STAU2: variants seen among roughly 807,000 people sequenced by gnomAD.
STAU2 encodes the protein staufen double-stranded RNA binding protein 2.
Under a neutral mutation model 65.9 loss-of-function variants are expected in STAU2, and 20 were observed. The observed-to-expected ratio is 0.30, with a 90% CI of 0.21 to 0.44. The LOEUF (loss-of-function observed/expected upper bound fraction) is 0.44, where lower values mean the gene tolerates loss of function less well. Among genes scored for constraint, STAU2 ranks in the 20% least tolerant of loss-of-function variants. The pLI, the probability that STAU2 is intolerant of heterozygous loss-of-function variation, is 1.00. For missense variants in STAU2, 558 were observed against 683.9 expected (o/e 0.82, Z 2.05); for synonymous variants, 232 against 233.9 (o/e 0.99, Z 0.07).
intron 5 of STAU2, among the ~76,000 whole-genome samples, chr8:73,676,069 GT>G (rs1239732500): frequency 2.0e-5 from 3 of 151,812 alleles, no homozygotes; most frequent in Non-Finnish European, 2.9e-5. Context: ...TACTTCCATA[GT>G]TTAAAAAAAA....
At chr8:73,746,992 G>T, upstream of STAU2, 1 of 471,860 alleles carries the variant, frequency 2.1e-6, no homozygotes, top group Non-Finnish European at 2.8e-6. Context: ...GCCCCAGCAC[G>T]CCCGGCCGGC....
chr8:73,591,067 T>C (rs576758581), intron 11 of STAU2, among the ~76,000 whole-genome samples: 2 of 152,142 alleles, frequency 1.3e-5, no homozygotes, highest in Non-Finnish European at 1.5e-5. Flanking sequence ...AGAAAGAAAT[T>C]TGAATTTACA....
chr8:73,739,518 A>G (rs1406923321), intron 2 of STAU2, among the ~76,000 whole-genome samples: 3 of 152,222 alleles, frequency 2.0e-5, no homozygotes, highest in Non-Finnish European at 4.4e-5. Context: ...ACACACATAC[A>G]TACACAAACA....
chr8:73,595,516 A>T (rs1418176685), intron 10 of STAU2, among the ~76,000 whole-genome samples: 3 of 152,176 alleles, frequency 2.0e-5, no homozygotes, highest in Non-Finnish European at 4.4e-5. Context: ...GGATGGTAGA[A>T]TTTTATAGAA....
intron 13 of STAU2, among the ~76,000 whole-genome samples, chr8:73,544,885 C>T (rs911857838): frequency 2.0e-5 from 3 of 152,196 alleles, no homozygotes; most frequent in Non-Finnish European, 4.4e-5. Context: ...GGGTTATCTT[C>T]TTCTGCATAT....
intron 13 of STAU2, among the ~76,000 whole-genome samples, chr8:73,450,123 T>G (rs1172762371): frequency 6.6e-6 from 1 of 152,184 alleles, no homozygotes; most frequent in Non-Finnish European, 1.5e-5. Flanking sequence ...ATTTAGACAT[T>G]TTAAAATATG....
intron 13 of STAU2, among the ~76,000 whole-genome samples, chr8:73,485,214 C>T (rs538563030): frequency 5.1e-5 from 7 of 138,074 alleles, no homozygotes; most frequent in African/African-American, 1.9e-4. Context: ...GTGATAGTGG[C>T]ACACTATAGT....
intron 6 of STAU2, among the ~76,000 whole-genome samples, chr8:73,669,788 T>A (rs1049678362): frequency 6.6e-6 from 1 of 152,124 alleles, no homozygotes; most frequent in Admixed American, 6.6e-5. Context: ...ATGAGCTCCA[T>A]AAGGACAGGG....
intron 6 of STAU2, among the ~76,000 whole-genome samples, chr8:73,655,458 T>C (rs1331929139): frequency 6.6e-6 from 1 of 152,048 alleles, no homozygotes; most frequent in African/African-American, 2.4e-5. Context: ...CCTAATTTCA[T>C]ATTTTATAAC....
chr8:73,595,575 AATTTATATT>A (rs1252312662), intron 10 of STAU2, among the ~76,000 whole-genome samples: 3 of 152,068 alleles, frequency 2.0e-5, no homozygotes, highest in Admixed American at 2.0e-4. Flanking sequence ...TTAAACACTA[AATTTATATT>A]ATTTATATAA....
intron 12 of STAU2, among the ~76,000 whole-genome samples, chr8:73,557,918 C>T (rs768282278): frequency 5.9e-5 from 9 of 152,214 alleles, no homozygotes; most frequent in Non-Finnish European, 1.2e-4. Context: ...GCAGATACAA[C>T]ATGGGCACTG....
At chr8:73,630,823 T>C (rs1407908519) in intron 6 of STAU2, among the ~76,000 whole-genome samples, 1 of 152,230 alleles carries the variant, frequency 6.6e-6, no homozygotes, top group East Asian at 1.9e-4. Flanking sequence ...TGACAACTAA[T>C]CCATCAGCCT....
chr8:73,728,298 C>A (rs1482220354), intron 3 of STAU2, among the ~76,000 whole-genome samples: 2 of 152,128 alleles, frequency 1.3e-5, no homozygotes, highest in African/African-American at 4.8e-5. Context: ...ATACATCTAT[C>A]CTTATGCCAG....
In STAU2 at chr8:73,649,896, T is replaced by TATAC. The variant is rs1269690069; in HGVS notation, c.410+23210_410+23211insGTAT. Among the ~76,000 whole-genome samples, 19 of 137,082 alleles carry TATAC rather than the reference T, an allele frequency of 1.4e-4. 1 individual carries two copies. The East Asian group carries it at 3.8e-3, about 27-fold the overall frequency. 89.9% of individuals were successfully genotyped at this position (137,082 alleles called of 152,430 possible). A position where few individuals can be genotyped will look rare whatever the true frequency, so the allele number is the denominator to read the frequency against. On this transcript the variant is annotated intron_variant, in intron 6 of 14. Transcript: ENST00000524300. ...ATATATATATATATATATATATATA[T>TATAC]ATATATATATATGGTGCAAAGATAG...
intron 13 of STAU2, among the ~76,000 whole-genome samples, chr8:73,462,559 C>T (rs571106934): frequency 2.4e-4 from 36 of 151,840 alleles, no homozygotes; most frequent in Non-Finnish European, 2.8e-4. Context: ...CTATGCCCAG[C>T]TAATTTTTGT....
chr8:73,625,914 T>C (rs118125907), intron 6 of STAU2, among the ~76,000 whole-genome samples: 2,865 of 152,236 alleles, frequency 0.019, 52 homozygotes, highest in Non-Finnish European at 0.03. Flanking sequence ...GTTACTGACC[T>C]GGTCTTCTTC....
Position 73,631,562 on chromosome 8 carries a change from G to A in STAU2, c.411-14111C>T, listed in dbSNP as rs550786470. Among the ~76,000 whole-genome samples the A allele has an allele frequency of 3.9e-5, 6 of 152,094 alleles. No individual in the cohort carries two copies. In the East Asian group the frequency reaches 9.7e-4, roughly 25 times the overall value. On this transcript the variant is annotated intron_variant, in intron 6 of 14. Coordinates refer to ENST00000524300, the MANE Select transcript of STAU2 (RefSeq NM_001164380.2). ...TACTACAATTTTTAAAAATTGTAAA[G>A]GCCATTTATTTACATGTTTGGGGTT...
At chr8:73,428,823 G>A (rs537748563) in intron 13 of STAU2, among the ~76,000 whole-genome samples, 4 of 152,084 alleles carry the variant, frequency 2.6e-5, no homozygotes, top group Non-Finnish European at 4.4e-5. Context: ...GCATATATGA[G>A]ACGAAGGCCA....
intron 3 of STAU2, among the ~76,000 whole-genome samples, chr8:73,723,817 T>C (rs1821849705): frequency 6.6e-6 from 1 of 152,236 alleles, no homozygotes; most frequent in African/African-American, 2.4e-5. Context: ...CAGTTCTGTG[T>C]CAATTTTGAC....
Sources: gnomAD v4.1 joint callset for allele counts (sites outside exome capture counted in the v4.1 genomes callset) on GRCh38, gnomAD v4.1.1 for gene constraint, MANE v1.5 for transcripts, NCBI Gene and HGNC (gene_info 2026-07-23, HGNC 2026-07-21) for gene names.